The following SPOCK1 variants were observed in gnomAD, a reference collection of about 807,000 sequenced individuals.
The protein encoded by SPOCK1 is testican-1.
SPOCK1 carries 23 observed loss-of-function variants against 55.3 expected under a neutral mutation model. That is an observed-to-expected ratio of 0.42 (90% CI 0.30 to 0.59). The LOEUF (loss-of-function observed/expected upper bound fraction) is 0.59. Ranked by LOEUF, SPOCK1 falls within the 20% of genes least tolerant of loss-of-function variation. SPOCK1 has a pLI of 0.22. For missense variants in SPOCK1, 499 were observed against 552.5 expected (o/e 0.90, Z 0.97); for synonymous variants, 226 against 221.0 (o/e 1.02, Z -0.20).
chr5:136,987,120 T>TAATA (rs1750858423), intron 8 of SPOCK1, among the ~76,000 whole-genome samples: 1 of 152,028 alleles, frequency 6.6e-6, no homozygotes, highest in Admixed American at 6.5e-5. Context: ...CTTGACTGTG[T>TAATA]AATACACAAT....
At chr5:137,036,991 G>A (rs758859491) in intron 6 of SPOCK1, among the ~76,000 whole-genome samples, 5 of 152,132 alleles carry the variant, frequency 3.3e-5, no homozygotes, top group Middle Eastern at 3.2e-3. Flanking sequence ...GTGGCTGCAC[G>A]CTAATGTAGG....
At chr5:137,384,561 TAC>T (rs1287943950) in intron 2 of SPOCK1, among the ~76,000 whole-genome samples, 2 of 138,962 alleles carry the variant, frequency 1.4e-5, no homozygotes, top group Non-Finnish European at 3.0e-5. Context: ...TATACATACA[TAC>T]ATATATATAT....
rs546408494 is a variant in SPOCK1 at position 137,413,255 on chromosome 5, CT to C, written c.186+85117del. On this transcript the variant is annotated intron_variant, in intron 2 of 10. Coordinates refer to ENST00000394945, the MANE Select transcript of SPOCK1 (RefSeq NM_004598.4). ...TGGGTTTTTTTTCCCCAGAATTATA[CT>C]GCATTTAAATATAAACTCATGGAAT... is the stretch of plus-strand genomic sequence containing the variant. 2.8e-4 allele frequency among the ~76,000 whole-genome samples: 43 copies of C among 152,172 alleles called. No homozygotes were observed. In the East Asian group the frequency reaches 8.3e-3, roughly 29 times the overall value.
At chr5:137,450,958 C>A (rs114054081) in intron 2 of SPOCK1, among the ~76,000 whole-genome samples, 308 of 152,270 alleles carry the variant, frequency 2.0e-3, no homozygotes, top group African/African-American at 7.1e-3. Flanking sequence ...CCCTGCCCAC[C>A]CATGCCAGGC....
chr5:137,435,386 A>G (rs1287092852), intron 2 of SPOCK1, among the ~76,000 whole-genome samples: 1 of 152,232 alleles, frequency 6.6e-6, no homozygotes, highest in Non-Finnish European at 1.5e-5. Flanking sequence ...CCAATGGTAT[A>G]ATAAATAGCT....
intron 6 of SPOCK1, among the ~76,000 whole-genome samples, chr5:137,018,657 G>T (rs537930154): frequency 6.6e-6 from 1 of 151,940 alleles, no homozygotes; most frequent in Non-Finnish European, 1.5e-5. Flanking sequence ...TCTTAGAGGC[G>T]TATTTTATTT....
chr5:137,123,020 A>C (rs921883677), intron 4 of SPOCK1, among the ~76,000 whole-genome samples: 2 of 152,244 alleles, frequency 1.3e-5, no homozygotes, highest in Non-Finnish European at 2.9e-5. Flanking sequence ...CAGGACAGAC[A>C]CAGAGACAGG....
chr5:136,981,458 G>T (rs551322702), intron 9 of SPOCK1, among the ~76,000 whole-genome samples: 1 of 152,190 alleles, frequency 6.6e-6, no homozygotes, highest in East Asian at 1.9e-4. Context: ...TTTTATAAAT[G>T]CATTTGACGC....
intron 3 of SPOCK1, among the ~76,000 whole-genome samples, chr5:137,222,979 G>C (rs1200951112): frequency 6.6e-6 from 1 of 151,812 alleles, no homozygotes; most frequent in East Asian, 1.9e-4. Flanking sequence ...AAAAATTTAA[G>C]TCTTCTTAGG....
intron 5 of SPOCK1, among the ~76,000 whole-genome samples, chr5:137,106,805 A>T (rs1475590219): frequency 6.6e-6 from 1 of 152,082 alleles, no homozygotes; most frequent in Non-Finnish European, 1.5e-5. Context: ...AAACCCCTTC[A>T]TGTGGCCCCT....
intron 4 of SPOCK1, among the ~76,000 whole-genome samples, chr5:137,123,450 C>G (rs1200354262): frequency 1.3e-5 from 2 of 152,196 alleles, no homozygotes; most frequent in Non-Finnish European, 2.9e-5. Context: ...TCAAACATAG[C>G]TGTTTATCAC....
At chr5:137,266,493 A>G (rs1003248539) in intron 3 of SPOCK1, among the ~76,000 whole-genome samples, 1 of 152,208 alleles carries the variant, frequency 6.6e-6, no homozygotes, top group Non-Finnish European at 1.5e-5. Context: ...TCTGTGGGCC[A>G]TGCTTAAACC....
chr5:137,019,552 G>T (rs994851145), intron 6 of SPOCK1, among the ~76,000 whole-genome samples: 9 of 151,976 alleles, frequency 5.9e-5, no homozygotes, highest in Non-Finnish European at 8.8e-5. Flanking sequence ...TTTTGTTTTT[G>T]TCTTTCATAA....
At chr5:137,185,259 G>A (rs181965973) in intron 3 of SPOCK1, among the ~76,000 whole-genome samples, 30 of 152,232 alleles carry the variant, frequency 2.0e-4, no homozygotes, top group African/African-American at 6.5e-4. Flanking sequence ...TCTTTCCTTT[G>A]GAGGCCTATG....
At chr5:137,014,409 T>C (rs147645459) in intron 6 of SPOCK1, among the ~76,000 whole-genome samples, 1 of 152,302 alleles carries the variant, frequency 6.6e-6, no homozygotes, top group East Asian at 1.9e-4. Flanking sequence ...CTGAGTCCAT[T>C]TTCCTTGGCC....
rs550176413 is a variant in SPOCK1 at position 137,402,370 on chromosome 5, T to C, written c.186+96003A>G. 2.0e-5 allele frequency among the ~76,000 whole-genome samples: 3 copies of C among 152,370 alleles called. No individual in the cohort carries two copies. The South Asian group carries it at 6.2e-4, about 32-fold the overall frequency. ...TCTTCCCAAAAATGAATTTAAATTA[T>C]GGAAGAAAGCATTTCACAGACTTTA... On this transcript the variant is annotated intron_variant, in intron 2 of 10. Transcript: ENST00000394945.
intron 2 of SPOCK1, among the ~76,000 whole-genome samples, chr5:137,309,572 A>T (rs773774442): frequency 1.6e-4 from 25 of 152,140 alleles, no homozygotes; most frequent in Non-Finnish European, 1.0e-4. Flanking sequence ...TATGTGTCTG[A>T]TGAGTACATT....
At chr5:137,480,268 T>C (rs1449401425) in intron 2 of SPOCK1, among the ~76,000 whole-genome samples, 1 of 151,280 alleles carries the variant, frequency 6.6e-6, no homozygotes, top group Non-Finnish European at 1.5e-5. Flanking sequence ...TTATGACTGG[T>C]CTTAGAAAGC....
chr5:137,448,831 C>T (rs534881515), intron 2 of SPOCK1, among the ~76,000 whole-genome samples: 4 of 152,228 alleles, frequency 2.6e-5, no homozygotes, highest in Non-Finnish European at 4.4e-5. Context: ...GGCACCTGCT[C>T]CACTTTCTGT....
Sources: allele counts gnomAD v4.1 joint callset (sites outside exome capture counted in the v4.1 genomes callset), GRCh38; gene constraint gnomAD v4.1.1; transcripts MANE v1.5; gene names NCBI Gene and HGNC (gene_info 2026-07-23, HGNC 2026-07-21).